The following ANKRD46 variants were observed in gnomAD, a reference collection of about 807,000 sequenced individuals.
The protein encoded by ANKRD46 is ankyrin repeat domain 46, also known as ankyrin repeat domain-containing protein 46.
In ANKRD46, 13 loss-of-function variants were observed where a neutral mutation model predicts 19.8. The ratio of observed to expected loss-of-function variants is 0.66; its 90% CI spans 0.43 to 1.04. ANKRD46 has a LOEUF of 1.04. Among genes scored for constraint, ANKRD46 ranks in the 50% least tolerant of loss-of-function variants. The probability of loss-of-function intolerance (pLI) is 0.00; values close to 1 mark genes in which losing one functional copy is unlikely to be tolerated. For synonymous variants in ANKRD46, 91 were observed against 106.9 expected (o/e 0.85, Z 0.92); for missense variants, 185 against 274.8 (o/e 0.67, Z 2.31).
chr8:100,527,840 A>T lies in ANKRD46; in HGVS notation c.470+5T>A, dbSNP rs1811872215. ...GTGAGAAAAAAAAAGTTGTATCTCCAGTACCTTTCACTCTCAGCTGTTTGC... is the reference window on the plus strand; with the variant it reads ...GTGAGAAAAAAAAAGTTGTATCTCCTGTACCTTTCACTCTCAGCTGTTTGC... On this transcript the variant is annotated splice_donor_5th_base_variant and intron_variant, in intron 4 of 4. Transcript: ENST00000335659. The surrounding 1 kb of genome is among the most constrained non-coding windows in gnomAD (Gnocchi z 4.0). The T allele has an allele frequency of 4.3e-6, 7 of 1,611,940 alleles. No individual in the cohort carries two copies. The highest frequency in any genetic ancestry group is 5.9e-6 in the Non-Finnish European group (7 of 1,179,274).
intron 1 of ANKRD46, among the ~76,000 whole-genome samples, chr8:100,542,469 C>T (rs994696698): frequency 1.3e-5 from 2 of 151,984 alleles, no homozygotes; most frequent in Non-Finnish European, 2.9e-5. Flanking sequence ...TCTTCTCTCG[C>T]CACTGGAAAT....
At position 100,543,346 on chromosome 8, in the gene ANKRD46, T is replaced by C. The variant is rs1812211791; in HGVS notation, c.-130-10035A>G. On this transcript the variant is annotated intron_variant, in intron 1 of 4. Transcript: ENST00000335659. This position sits in a 1 kb window ranked among gnomAD's most constrained non-coding sequence, Gnocchi z 4.2. The stretch of plus-strand genomic sequence containing the variant: ...CTCAAAACCATTTAATATTTTGCGA[T>C]TTGTTCTATAACAAATACTAAGGAA... 6.6e-6 allele frequency among the ~76,000 whole-genome samples: 1 copy of C among 152,240 alleles called. No individual in the cohort carries two copies. Among genetic ancestry groups the C allele is most frequent in the Non-Finnish European group, 1.5e-5 (1 of 68,050 alleles).
chr8:100,550,671 GA>G lies in ANKRD46; in HGVS notation c.-131+9039del. 1 of 286,406 alleles carries G rather than the reference GA, an allele frequency of 3.5e-6. No individual in the cohort carries two copies. The highest frequency in any genetic ancestry group is 6.8e-6 in the Non-Finnish European group (1 of 146,076). 17.7% of individuals were successfully genotyped at this position (286,406 alleles called of 1,614,324 possible). A position where few individuals can be genotyped will look rare whatever the true frequency, so the allele number is the denominator to read the frequency against. The stretch of plus-strand genomic sequence containing the variant: ...GCATGGCAGGGACTGCCCAGAAGCT[GA>G]AGGTCTCTTTCTTCCTCTTGTGCTC... On this transcript the variant is annotated intron_variant, in intron 1 of 4. Transcript: ENST00000335659. The surrounding 1 kb of genome is among the most constrained non-coding windows in gnomAD (Gnocchi z 4.4).
rs1333456866 is a variant in ANKRD46 at position 100,550,941 on chromosome 8, C to T, written c.-131+8770G>A. On this transcript the variant is annotated intron_variant, in intron 1 of 4. Transcript: ENST00000335659. This position sits in a 1 kb window ranked among gnomAD's most constrained non-coding sequence, Gnocchi z 4.4. ...GGGCCCTCTGACGCCTGCTTCACCACCTTTTTGATGTCATCATATTTGGCA... is the reference window on the plus strand; with the variant it reads ...GGGCCCTCTGACGCCTGCTTCACCATCTTTTTGATGTCATCATATTTGGCA... The T allele has an allele frequency of 3.3e-6, 2 of 599,868 alleles. No homozygotes were observed. Among genetic ancestry groups the T allele is most frequent in the East Asian group, 4.3e-5 (1 of 23,442 alleles). 37.2% of individuals were successfully genotyped at this position (599,868 alleles called of 1,614,324 possible).
chr8:100,522,712 G>A lies in ANKRD46; in HGVS notation c.530C>T (p.Ser177Phe), dbSNP rs770864256. ...PNLQQGEGVL[S>F]SFRTTWQEFV... ...CTCCTGCCACGTGGTTCGGAAGCTG[G>A]AGAGGACTCCTTCACCTTGCTGCAG... Residue 177 changes from serine (S) to phenylalanine (F), a missense_variant, in exon 5 of 5, where the codon TCC (serine) becomes TTC (phenylalanine). Coordinates refer to ENST00000335659, the MANE Select transcript of ANKRD46 (RefSeq NM_001270377.2). 3 of 1,614,064 alleles carry A rather than the reference G, an allele frequency of 1.9e-6. No homozygotes were observed. The South Asian group carries it at 3.3e-5, about 18-fold the overall frequency.
chr8:100,532,984 T>C lies in ANKRD46; in HGVS notation c.-28+225A>G, dbSNP rs566486366. ...TTGCAGACTAGGATACTTCTGAGTG[T>C]TGGCTCAGCAAGAAATACAAGTCTC... On this transcript the variant is annotated intron_variant, in intron 2 of 4. Transcript: ENST00000335659. This position sits in a 1 kb window ranked among gnomAD's most constrained non-coding sequence, Gnocchi z 4.7. Among the ~76,000 whole-genome samples the C allele has an allele frequency of 5.9e-5, 9 of 152,344 alleles. No homozygotes were observed. The highest frequency in any genetic ancestry group is 8.8e-5 in the Non-Finnish European group (6 of 68,026).
intron 4 of ANKRD46, among the ~76,000 whole-genome samples, chr8:100,526,902 T>C (rs1422724844): frequency 1.3e-5 from 2 of 152,110 alleles, no homozygotes; most frequent in African/African-American, 2.4e-5. Flanking sequence ...AAACAGCTGA[T>C]GTGGGCCCTT....
In ANKRD46 at chr8:100,557,247, A is replaced by G. The variant is rs1812520537; in HGVS notation, c.-131+2464T>C. ...ACTGGCTCCACCTACCTTCACACTC[A>G]GTCTTCTCCATCTCAGTACACTGTT... On this transcript the variant is annotated intron_variant, in intron 1 of 4. Coordinates refer to ENST00000335659, the MANE Select transcript of ANKRD46 (RefSeq NM_001270377.2). This position sits in a 1 kb window ranked among gnomAD's most constrained non-coding sequence, Gnocchi z 5.9. Among the ~76,000 whole-genome samples, 1 of 152,202 alleles carries G rather than the reference A, an allele frequency of 6.6e-6. No homozygotes were observed.
rs1812565808 is a variant in ANKRD46, at chr8:100,559,327, A to G, written c.-131+384T>C. On this transcript the variant is annotated intron_variant, in intron 1 of 4. Coordinates refer to ENST00000335659, the MANE Select transcript of ANKRD46 (RefSeq NM_001270377.2). This position sits in a 1 kb window ranked among gnomAD's most constrained non-coding sequence, Gnocchi z 6.0. Reference sequence around the variant, plus strand: ...TGCGCTCCTGCAAGCACACGCCGCGAAAGCACCGTCTCGCCCCGGCCGAGC... The same window carrying G: ...TGCGCTCCTGCAAGCACACGCCGCGGAAGCACCGTCTCGCCCCGGCCGAGC... 1 of 152,316 alleles carries G rather than the reference A, an allele frequency of 6.6e-6. No homozygotes were observed. The allele number at this position is 152,316 out of a possible 1,614,324, so 9.4% of individuals were successfully genotyped here. A position where few individuals can be genotyped will look rare whatever the true frequency, so the allele number is the denominator to read the frequency against.
At position 100,524,622 on chromosome 8, in the gene ANKRD46, T is replaced by C. The variant is rs1811803115; in HGVS notation, c.471-1851A>G. On this transcript the variant is annotated intron_variant, in intron 4 of 4. Coordinates refer to ENST00000335659, the MANE Select transcript of ANKRD46 (RefSeq NM_001270377.2). This position sits in a 1 kb window ranked among gnomAD's most constrained non-coding sequence, Gnocchi z 4.3. Reference sequence around the variant, plus strand: ...CTTGACAGCAAGTTTAAAAATAAGATTAGAACTTTGAGAAGGCCTAAAAGA... The same window carrying C: ...CTTGACAGCAAGTTTAAAAATAAGACTAGAACTTTGAGAAGGCCTAAAAGA... Among the ~76,000 whole-genome samples, 1 of 152,134 alleles carries C rather than the reference T, an allele frequency of 6.6e-6. No homozygotes were observed. Among genetic ancestry groups the C allele is most frequent in the Non-Finnish European group, 1.5e-5 (1 of 68,034 alleles).
chr8:100,547,511 A>T (rs1015579156), intron 1 of ANKRD46, among the ~76,000 whole-genome samples: 11 of 152,222 alleles, frequency 7.2e-5, no homozygotes, highest in African/African-American at 2.7e-4. Flanking sequence ...TCTTTAGAGC[A>T]GCGTGAAAAC....
chr8:100,520,421 T>C (rs1811701569), downstream of ANKRD46, among the ~76,000 whole-genome samples: 1 of 152,136 alleles, frequency 6.6e-6, no homozygotes, highest in Admixed American at 6.5e-5. Context: ...TCCTACCTGT[T>C]TGACCTTGGA....
Position 100,510,764 on chromosome 8 carries a change from C to T in ANKRD46, c.637-125G>A. 1.2e-6 allele frequency: 1 copy of T among 820,484 alleles called. No individual in the cohort carries two copies. The highest frequency in any genetic ancestry group is 1.8e-6 in the Non-Finnish European group (1 of 547,916). The allele number at this position is 820,484 out of a possible 1,614,324, so 50.8% of individuals were successfully genotyped here. On this transcript the variant is annotated intron_variant, in intron 5 of 5. Transcript: ENST00000520552. The surrounding 1 kb of genome is among the most constrained non-coding windows in gnomAD (Gnocchi z 4.9). Reference sequence around the variant, plus strand: ...ACCAGAAAGCACAGGCTTGCTTCTCCTCTGCCCATCTCAGCTCTCAACGCT... The same window carrying T: ...ACCAGAAAGCACAGGCTTGCTTCTCTTCTGCCCATCTCAGCTCTCAACGCT...
At chr8:100,535,441 T>G (rs1237935860) in intron 1 of ANKRD46, among the ~76,000 whole-genome samples, 1 of 152,210 alleles carries the variant, frequency 6.6e-6, no homozygotes, top group Non-Finnish European at 1.5e-5. Context: ...TGCCAAACTA[T>G]AGTACAACAT....
At chr8:100,538,105 T>C (rs1812100135) in intron 1 of ANKRD46, among the ~76,000 whole-genome samples, 1 of 152,202 alleles carries the variant, frequency 6.6e-6, no homozygotes, top group South Asian at 2.1e-4. Context: ...TCTTGAAGTC[T>C]AGACATAGGG....
Position 100,521,485 on chromosome 8 carries a change from C to T in ANKRD46, c.*1070G>A. On this transcript the variant is annotated 3_prime_UTR_variant, in exon 5 of 5. Transcript: ENST00000335659. ...AGTTTGAGGGCCAGATTTCAATTTA[C>T]ATAATATTACCATTCATAAAGAGTT... 1 of 985,408 alleles carries T rather than the reference C, an allele frequency of 1.0e-6. No homozygotes were observed. Among genetic ancestry groups the T allele is most frequent in the Non-Finnish European group, 1.2e-6 (1 of 829,928 alleles). The allele number at this position is 985,408 out of a possible 1,614,324, so 61.0% of individuals were successfully genotyped here.
chr8:100,518,702 A>C (rs187623792), downstream of ANKRD46, among the ~76,000 whole-genome samples: 12 of 152,088 alleles, frequency 7.9e-5, no homozygotes, highest in South Asian at 2.1e-4. Context: ...AATACAAAAA[A>C]TTAGCTGGGC....
At chr8:100,518,320 T>G (rs1179877914), downstream of ANKRD46, among the ~76,000 whole-genome samples, 1 of 152,210 alleles carries the variant, frequency 6.6e-6, no homozygotes, top group African/African-American at 2.4e-5. Flanking sequence ...AAGAAATTTA[T>G]AATAAAATGT....
In ANKRD46 at chr8:100,529,759, A is replaced by G. The variant is rs754971715; in HGVS notation, c.75T>C (p.Phe25=). The G allele has an allele frequency of 6.2e-7, 1 of 1,614,266 alleles. No individual in the cohort carries two copies. The highest frequency in any genetic ancestry group is 8.5e-7 in the Non-Finnish European group (1 of 1,180,058). Reference sequence around the variant, plus strand: ...TTTCCAAAAGCCGCTTGGAATAATTAAAGTCCCCATCAATACAGGCTTGCA... The same window carrying G: ...TTTCCAAAAGCCGCTTGGAATAATTGAAGTCCCCATCAATACAGGCTTGCA... ...PLLQACIDGD[F]NYSKRLLESG... The change falls in exon 3 of 5, where the codon TTT becomes TTC. Residue 25 remains phenylalanine, a synonymous_variant. Coordinates refer to ENST00000335659, the MANE Select transcript of ANKRD46 (RefSeq NM_001270377.2). This position sits in a 1 kb window ranked among gnomAD's most constrained non-coding sequence, Gnocchi z 5.8.
Sources: allele counts gnomAD v4.1 joint callset (sites outside exome capture counted in the v4.1 genomes callset), GRCh38; gene constraint gnomAD v4.1.1; non-coding constraint Gnocchi (gnomAD v3.1); transcripts MANE v1.5; gene names NCBI Gene and HGNC (gene_info 2026-07-23, HGNC 2026-07-21).